The following ADM2 variants were observed in gnomAD, a reference collection of about 807,000 sequenced individuals.
ADM2 encodes the protein adrenomedullin 2, also known as protein ADM2.
ADM2 carries 5 observed loss-of-function variants against 7.1 expected under a neutral mutation model. The ratio of observed to expected loss-of-function variants is 0.71; its 90% CI spans 0.37 to 1.49. The LOEUF is 1.49. Ranked by LOEUF, ADM2 falls within the 40% of genes most tolerant of loss-of-function variation. The pLI is 0.03. For synonymous variants in ADM2, 123 were observed against 92.8 expected, an observed-to-expected ratio of 1.33 and a Z score of -1.87; for missense variants, 236 against 211.2, an observed-to-expected ratio of 1.12 and a Z score of -0.73.
In ADM2 at chr22:50,482,725, C is replaced by T. The variant is rs753656827; in HGVS notation, c.269C>T (p.Ser90Leu). 43 of 1,281,162 alleles carry T rather than the reference C, an allele frequency of 3.4e-5. No homozygotes were observed. Among genetic ancestry groups the T allele is most frequent in the Admixed American group, 2.0e-4 (8 of 40,942 alleles). The allele number at this position is 1,281,162 out of a possible 1,614,324, so 79.4% of individuals were successfully genotyped here. Residue 90 changes from serine to leucine, a missense_variant, in exon 3 of 3, where the codon TCG (serine) becomes TTG (leucine). Physicochemically the swap from Ser to Leu is moderately radical, Grantham distance 145. Transcript: ENST00000395737. ...CTCCGGGATGGTGGCCGCCAACACT[C>T]GGGCCCCCGAAGACACTCGGGCCCC... ...QPLRDGGRQH[S>L]GPRRHSGPRR...
rs996724156 is a variant in ADM2, at chr22:50,484,639, C to G, written c.*1736C>G. On this transcript the variant is annotated 3_prime_UTR_variant, in exon 3 of 3. Transcript: ENST00000395737. Reference sequence around the variant, plus strand: ...GCTACTCAGCCCAGCCAAAACCCTCCCAGACGTCTCCTCTCCTGCCTGGGC... The same window carrying G: ...GCTACTCAGCCCAGCCAAAACCCTCGCAGACGTCTCCTCTCCTGCCTGGGC... The G allele has an allele frequency of 6.6e-6, 1 of 152,458 alleles. No individual in the cohort carries two copies. Among genetic ancestry groups the G allele is most frequent in the Non-Finnish European group, 1.5e-5 (1 of 68,224 alleles). 9.4% of individuals were successfully genotyped at this position (152,458 alleles called of 1,614,324 possible).
chr22:50,481,834 C>A lies in ADM2; in HGVS notation c.-11-3C>A. On this transcript the variant is annotated splice_polypyrimidine_tract_variant and splice_region_variant and intron_variant, in intron 1 of 2. Transcript: ENST00000395737. ...GCCCGGCTCACCGCCCCCTCCCCTG[C>A]AGCCCCGCCCGCCATGGCCCGGATC... 2.0e-6 allele frequency: 3 copies of A among 1,488,052 alleles called. No individual in the cohort carries two copies. The highest frequency in any genetic ancestry group is 2.7e-6 in the Non-Finnish European group (3 of 1,124,920). The allele number at this position is 1,488,052 out of a possible 1,614,324, so 92.2% of individuals were successfully genotyped here.
rs2068212526 is a variant in ADM2 at position 50,482,741 on chromosome 22, C to G, written c.285C>G (p.His95Gln). The change falls in exon 3 of 3, where the codon CAC (histidine) becomes CAG (glutamine). Residue 95 changes from histidine (H) to glutamine (Q), a missense_variant. Coordinates refer to ENST00000395737, the MANE Select transcript of ADM2 (RefSeq NM_001253845.2). ...GCCAACACTCGGGCCCCCGAAGACACTCGGGCCCCCGCAGGACCCAAGCCC... is the reference window on the plus strand; with the variant it reads ...GCCAACACTCGGGCCCCCGAAGACAGTCGGGCCCCCGCAGGACCCAAGCCC... ...GGRQHSGPRR[H>Q]SGPRRTQAQL... is the part of the protein sequence containing the mutation. 1 of 1,602,142 alleles carries G rather than the reference C, an allele frequency of 6.2e-7. No individual in the cohort carries two copies. Among genetic ancestry groups the G allele is most frequent in the Non-Finnish European group, 8.5e-7 (1 of 1,174,054 alleles).
Position 50,482,617 on chromosome 22 carries a change from C to T in ADM2, c.161C>T (p.Ala54Val), listed in dbSNP as rs1367138327. 22 of 1,502,556 alleles carry T rather than the reference C, an allele frequency of 1.5e-5. No homozygotes were observed. Among genetic ancestry groups the T allele is most frequent in the East Asian group, 2.4e-5 (1 of 41,896 alleles). 93.1% of individuals were successfully genotyped at this position (1,502,556 alleles called of 1,614,324 possible). The change falls in exon 3 of 3, where the codon GCA (alanine) becomes GTA (valine). Residue 54 changes from alanine to valine, a missense_variant. Coordinates refer to ENST00000395737, the MANE Select transcript of ADM2 (RefSeq NM_001253845.2). ...PSSSLQPRHP[A>V]PRPVVWKLHR... ...AGCAGCCTGCAGCCCAGGCACCCCG[C>T]ACCCCGACCTGTGGTCTGGAAGCTT...
At position 50,484,485 on chromosome 22, in the gene ADM2, T is replaced by C. The variant is rs2148632166; in HGVS notation, c.*1582T>C. 1 of 152,388 alleles carries C rather than the reference T, an allele frequency of 6.6e-6. No individual in the cohort carries two copies. The highest frequency in any genetic ancestry group is 1.5e-5 in the Non-Finnish European group (1 of 68,192). The allele number at this position is 152,388 out of a possible 1,614,324, so 9.4% of individuals were successfully genotyped here. On this transcript the variant is annotated 3_prime_UTR_variant, in exon 3 of 3. Coordinates refer to ENST00000395737, the MANE Select transcript of ADM2 (RefSeq NM_001253845.2). ...GCTGCAGGGTGGAGGGGCCTCGGCC[T>C]CAGAGTCATGTGCCCTGTGACCACT...
In ADM2 at chr22:50,482,873, G is replaced by A. The variant is rs886382051; in HGVS notation, c.417G>A (p.Val139=). Residue 139 remains valine (V), a synonymous_variant, in exon 3 of 3, where the codon GTG becomes GTA. Transcript: ENST00000395737. The part of the protein sequence containing the change: ...GPAGRQDSAP[V]DPSSPHSYG The stretch of plus-strand genomic sequence containing the variant: ...CCGGCCGGCAGGACTCAGCTCCTGT[G>A]GACCCCAGCAGCCCCCACAGCTATG... 1 of 1,603,936 alleles carries A rather than the reference G, an allele frequency of 6.2e-7. No homozygotes were observed. The highest frequency in any genetic ancestry group is 2.2e-5 in the East Asian group (1 of 44,714).
In ADM2 at chr22:50,486,185, T is replaced by C. The variant is rs1352171868; in HGVS notation, c.*3282T>C. On this transcript the variant is annotated 3_prime_UTR_variant, in exon 3 of 3. Coordinates refer to ENST00000395737, the MANE Select transcript of ADM2 (RefSeq NM_001253845.2). ...GTTAGCAAGAATCCTCTAAATCAGT[T>C]TATGGAGAATTACCCACCCTCGATA... is the stretch of plus-strand genomic sequence containing the variant. 1 of 152,286 alleles carries C rather than the reference T, an allele frequency of 6.6e-6. No individual in the cohort carries two copies. Among genetic ancestry groups the C allele is most frequent in the Non-Finnish European group, 1.5e-5 (1 of 68,190 alleles). The allele number at this position is 152,286 out of a possible 1,614,324, so 9.4% of individuals were successfully genotyped here.
At position 50,483,426 on chromosome 22, in the gene ADM2, A is replaced by C. The variant is rs778714049; in HGVS notation, c.*523A>C. On this transcript the variant is annotated 3_prime_UTR_variant, in exon 3 of 3. Transcript: ENST00000395737. ...TGTAGCCCCCGGGGTTGGGCAAGGG[A>C]AGGATGGTGGCCCTCCAGAGGTCAT... The C allele has an allele frequency of 8.2e-5, 31 of 379,630 alleles. 1 individual carries two copies. In the Admixed American group the frequency reaches 8.6e-4, roughly 11 times the overall value. 23.5% of individuals were successfully genotyped at this position (379,630 alleles called of 1,614,324 possible). A position where few individuals can be genotyped will look rare whatever the true frequency, so the allele number is the denominator to read the frequency against.
rs181438359 is a variant in ADM2, at chr22:50,484,957, T to G, written c.*2054T>G. Reference sequence around the variant, plus strand: ...GGCCAAGGCAGGCACATCACCTGAGTTCAGGAGTTCAAGACCAGCCTGGCC... The same window carrying G: ...GGCCAAGGCAGGCACATCACCTGAGGTCAGGAGTTCAAGACCAGCCTGGCC... On this transcript the variant is annotated 3_prime_UTR_variant, in exon 3 of 3. Coordinates refer to ENST00000395737, the MANE Select transcript of ADM2 (RefSeq NM_001253845.2). 2.7e-3 allele frequency: 404 copies of G among 151,700 alleles called. 1 individual carries two copies. The highest frequency in any genetic ancestry group is 9.2e-3 in the African/African-American group (380 of 41,308). The allele number at this position is 151,700 out of a possible 1,614,324, so 9.4% of individuals were successfully genotyped here.
Position 50,482,697 on chromosome 22 carries a change from C to A in ADM2, c.241C>A (p.Pro81Thr). Residue 81 changes from proline (P) to threonine (T), a missense_variant, in exon 3 of 3, where the codon CCT (proline) becomes ACT (threonine). Coordinates refer to ENST00000395737, the MANE Select transcript of ADM2 (RefSeq NM_001253845.2). Reference protein sequence around the residue: ...GAGLAPVMGQPLRDGGRQHSG... With the variant: ...GAGLAPVMGQTLRDGGRQHSG... ...CGGCCTGGCCCCTGTTATGGGTCAG[C>A]CTCTCCGGGATGGTGGCCGCCAACA... The A allele has an allele frequency of 1.9e-6, 3 of 1,604,632 alleles. No homozygotes were observed. Among genetic ancestry groups the A allele is most frequent in the South Asian group, 1.1e-5 (1 of 90,308 alleles).
In ADM2 at chr22:50,486,405, CT is replaced by C. The variant is rs915670351; in HGVS notation, c.*3503del. Reference sequence around the variant, plus strand: ...ACTCGGAGGTGAGCTCCTCTCACCACTCTCTTGAATAAAGCTTTTCTCACCA... The same window carrying C: ...ACTCGGAGGTGAGCTCCTCTCACCACCTCTTGAATAAAGCTTTTCTCACCA... On this transcript the variant is annotated 3_prime_UTR_variant, in exon 3 of 3. Transcript: ENST00000395737. 2 of 164,508 alleles carry C rather than the reference CT, an allele frequency of 1.2e-5. No individual in the cohort carries two copies. Among genetic ancestry groups the C allele is most frequent in the African/African-American group, 4.8e-5 (2 of 41,734 alleles). The allele number at this position is 164,508 out of a possible 1,614,324, so 10.2% of individuals were successfully genotyped here. A position where few individuals can be genotyped will look rare whatever the true frequency, so the allele number is the denominator to read the frequency against.
Position 50,482,690 on chromosome 22 carries a change from G to A in ADM2, c.234G>A (p.Met78Ile), listed in dbSNP as rs200200067. 1,651 of 1,603,502 alleles carry A rather than the reference G, an allele frequency of 1.0e-3. 15 individuals carry two copies. The highest frequency in any genetic ancestry group is 8.4e-3 in the South Asian group (759 of 90,198). ...AQRGAGLAPV[M>I]GQPLRDGGRQ... Reference sequence around the variant, plus strand: ...GGGGTGCCGGCCTGGCCCCTGTTATGGGTCAGCCTCTCCGGGATGGTGGCC... The same window carrying A: ...GGGGTGCCGGCCTGGCCCCTGTTATAGGTCAGCCTCTCCGGGATGGTGGCC... The change falls in exon 3 of 3, where the codon ATG (methionine) becomes ATA (isoleucine). Residue 78 changes from methionine to isoleucine, a missense_variant. Physicochemically the swap from Met to Ile is conservative, Grantham distance 10 (BLOSUM62 1). Coordinates refer to ENST00000395737, the MANE Select transcript of ADM2 (RefSeq NM_001253845.2).
rs2068197152 is a variant in ADM2 at position 50,481,719 on chromosome 22, T to C, written c.-56T>C. 1 of 500,496 alleles carries C rather than the reference T, an allele frequency of 2.0e-6. No individual in the cohort carries two copies. Among genetic ancestry groups the C allele is most frequent in the African/African-American group, 2.1e-5 (1 of 48,428 alleles). The allele number at this position is 500,496 out of a possible 1,614,324, so 31.0% of individuals were successfully genotyped here. ...CCCCGACGGACGCCCGTGCCCAGCT[T>C]GCCACGCCCACGCCCGGCGCCCCGA... On this transcript the variant is annotated 5_prime_UTR_variant, in exon 1 of 3. Transcript: ENST00000395737.
At position 50,482,585 on chromosome 22, in the gene ADM2, C is replaced by T; in HGVS notation, c.129C>T (p.Ser43=). Reference sequence around the variant, plus strand: ...TCTGCAGGGAGCCCCCAGCCCGGAGCCCTTCCAGCAGCCTGCAGCCCAGGC... The same window carrying T: ...TCTGCAGGGAGCCCCCAGCCCGGAGTCCTTCCAGCAGCCTGCAGCCCAGGC... ...PVKPREPPAR[S]PSSSLQPRHP... is the part of the protein sequence containing the mutation. The change falls in exon 3 of 3, where the codon AGC becomes AGT. Residue 43 remains serine, a synonymous_variant. Coordinates refer to ENST00000395737, the MANE Select transcript of ADM2 (RefSeq NM_001253845.2). 6.8e-7 allele frequency: 1 copy of T among 1,467,230 alleles called. No individual in the cohort carries two copies. The allele number at this position is 1,467,230 out of a possible 1,614,324, so 90.9% of individuals were successfully genotyped here.
chr22:50,483,116 C>T lies in ADM2; in HGVS notation c.*213C>T, dbSNP rs988542320. The T allele has an allele frequency of 1.5e-5, 13 of 850,176 alleles. No homozygotes were observed. The highest frequency in any genetic ancestry group is 1.3e-4 in the African/African-American group (8 of 59,940). The allele number at this position is 850,176 out of a possible 1,614,324, so 52.7% of individuals were successfully genotyped here. On this transcript the variant is annotated 3_prime_UTR_variant, in exon 3 of 3. Coordinates refer to ENST00000395737, the MANE Select transcript of ADM2 (RefSeq NM_001253845.2). ...GAGCCTAAACACCCTGAAATTGTGACCCCCTGGGGGACAGCTGCCAGACAC... is the reference window on the plus strand; with the variant it reads ...GAGCCTAAACACCCTGAAATTGTGATCCCCTGGGGGACAGCTGCCAGACAC...
intron 2 of ADM2, 127 bp from the exon 3 acceptor site, chr22:50,482,440 G>C (rs982287012): frequency 8.0e-6 from 11 of 1,378,706 alleles, no homozygotes; most frequent in Non-Finnish European, 1.0e-5. Context: ...GCTCCAGGCT[G>C]TGTGTGGATG....
chr22:50,482,421 C>G (rs1026406263), intron 2 of ADM2, 146 bp from the exon 3 acceptor site: 1 of 1,335,180 alleles, frequency 7.5e-7, no homozygotes, highest in African/African-American at 1.5e-5. Flanking sequence ...GCGGGCTTCC[C>G]CTGGCCGTGC....
Position 50,483,861 on chromosome 22 carries a change from A to T in ADM2, c.*958A>T, listed in dbSNP as rs1183290819. ...CAAGAACCACTGCCGGCGTGCACAG[A>T]CTTGGTGTGTGTCCTTCCCTGGGGG... On this transcript the variant is annotated 3_prime_UTR_variant, in exon 3 of 3. Transcript: ENST00000395737. 3 of 156,228 alleles carry T rather than the reference A, an allele frequency of 1.9e-5. No homozygotes were observed. The highest frequency in any genetic ancestry group is 2.8e-5 in the Non-Finnish European group (2 of 70,770). 9.7% of individuals were successfully genotyped at this position (156,228 alleles called of 1,614,324 possible). A position where few individuals can be genotyped will look rare whatever the true frequency, so the allele number is the denominator to read the frequency against.
rs1466778030 is a variant in ADM2, at chr22:50,483,021, A to G, written c.*118A>G. The G allele has an allele frequency of 1.4e-6, 2 of 1,477,038 alleles. No homozygotes were observed. The highest frequency in any genetic ancestry group is 1.4e-5 in the African/African-American group (1 of 71,876). The allele number at this position is 1,477,038 out of a possible 1,614,324, so 91.5% of individuals were successfully genotyped here. A position where few individuals can be genotyped will look rare whatever the true frequency, so the allele number is the denominator to read the frequency against. Reference sequence around the variant, plus strand: ...CGGAGCTGCAGACAGCAGGTCCTGCAGCAACAATACCTGCACGGCTTTGCA... The same window carrying G: ...CGGAGCTGCAGACAGCAGGTCCTGCGGCAACAATACCTGCACGGCTTTGCA... On this transcript the variant is annotated 3_prime_UTR_variant, in exon 3 of 3. Transcript: ENST00000395737.
Sources: allele counts gnomAD v4.1 joint callset, GRCh38; gene constraint gnomAD v4.1.1; transcripts MANE v1.5; gene names NCBI Gene and HGNC (gene_info 2026-07-23, HGNC 2026-07-21).